ARHGAP15: variants seen among roughly 807,000 people sequenced by gnomAD.
The protein encoded by ARHGAP15 is Rho GTPase activating protein 15.
In ARHGAP15, 51 loss-of-function variants were observed where a neutral mutation model predicts 63.7. That is an observed-to-expected ratio of 0.80 (90% confidence interval 0.64 to 1.01). The LOEUF (loss-of-function observed/expected upper bound fraction) is 1.01. ARHGAP15 is among the 50% of genes least tolerant of loss of function. The pLI, the probability that ARHGAP15 is intolerant of heterozygous loss-of-function variation, is 0.00. For missense variants in ARHGAP15, 560 were observed against 564.6 expected (o/e 0.99, Z 0.08); for synonymous variants, 191 against 193.8 (o/e 0.99, Z 0.12).
chr2:143,202,117 T>A lies in ARHGAP15; in HGVS notation c.166-17T>A. On this transcript the variant is annotated splice_polypyrimidine_tract_variant and intron_variant, in intron 2 of 13. Coordinates refer to ENST00000295095, the MANE Select transcript of ARHGAP15 (RefSeq NM_018460.4). Reference sequence around the variant, plus strand: ...AGAAAAATTATGTAATAATATCCAATGTCAATATATTTGCAGATATCCAGA... The same window carrying A: ...AGAAAAATTATGTAATAATATCCAAAGTCAATATATTTGCAGATATCCAGA... 1 of 1,596,996 alleles carries A rather than the reference T, an allele frequency of 6.3e-7. No homozygotes were observed. The highest frequency in any genetic ancestry group is 8.6e-7 in the Non-Finnish European group (1 of 1,165,280).
Position 143,250,516 on chromosome 2 carries a change from T to G in ARHGAP15, c.390T>G (p.Thr130=). 6.2e-7 allele frequency: 1 copy of G among 1,613,134 alleles called. No individual in the cohort carries two copies. Among genetic ancestry groups the G allele is most frequent in the Non-Finnish European group, 8.5e-7 (1 of 1,179,310 alleles). ...SKQQALSNMK[T]GHKPESVDLC... ...CTTCATTTTTGTGATTACAGAAAAC[T>G]GGGCACAAACCAGAAAGTGTGGATT... Residue 130 remains threonine, a synonymous_variant, in exon 6 of 14, where the codon ACT becomes ACG. Coordinates refer to ENST00000295095, the MANE Select transcript of ARHGAP15 (RefSeq NM_018460.4).
intron 11 of ARHGAP15, chr2:143,608,508 T>C (rs1303229129): frequency 1.3e-5 from 2 of 152,158 alleles, no homozygotes; most frequent in African/African-American, 4.8e-5. Flanking sequence ...AAGCAATAGT[T>C]AGTGTAAGAT....
intron 12 of ARHGAP15, among the ~76,000 whole-genome samples, chr2:143,670,552 C>T (rs759695071): frequency 7.2e-5 from 11 of 152,140 alleles, no homozygotes; most frequent in East Asian, 3.9e-4. Context: ...GTAAGGGACC[C>T]GATAGGTCAC....
chr2:143,514,945 G>A (rs763130354), intron 9 of ARHGAP15, among the ~76,000 whole-genome samples: 3 of 152,086 alleles, frequency 2.0e-5, no homozygotes, highest in East Asian at 1.9e-4. Flanking sequence ...ACATTTGGCC[G>A]AGCCCAATAT....
chr2:143,438,227 G>A (rs1487007247), intron 8 of ARHGAP15, among the ~76,000 whole-genome samples: 2 of 151,010 alleles, frequency 1.3e-5, no homozygotes, highest in Non-Finnish European at 2.9e-5. Flanking sequence ...AAGTTGAGAA[G>A]AGCTGCTAAT....
chr2:143,730,012 T>C (rs529576518), intron 13 of ARHGAP15, among the ~76,000 whole-genome samples: 1 of 152,246 alleles, frequency 6.6e-6, no homozygotes, highest in East Asian at 1.9e-4. Context: ...GGAATTGGAC[T>C]TTAGAAAAAC....
chr2:143,429,067 C>T (rs1689262691), intron 6 of ARHGAP15, among the ~76,000 whole-genome samples: 2 of 152,082 alleles, frequency 1.3e-5, no homozygotes, highest in Non-Finnish European at 2.9e-5. Flanking sequence ...CATATGAGCA[C>T]CACAGGCAAA....
At chr2:143,244,521 A>G (rs190929628) in intron 5 of ARHGAP15, among the ~76,000 whole-genome samples, 1 of 152,360 alleles carries the variant, frequency 6.6e-6, no homozygotes, top group African/African-American at 2.4e-5. Flanking sequence ...GAATGAATGC[A>G]TACTCAAATC....
intron 6 of ARHGAP15, among the ~76,000 whole-genome samples, chr2:143,262,570 G>A (rs867287308): frequency 3.6e-5 from 3 of 83,622 alleles, no homozygotes; most frequent in East Asian, 3.4e-4. Flanking sequence ...ACTTTGTCAC[G>A]CCCTGTTCAC....
intron 6 of ARHGAP15, among the ~76,000 whole-genome samples, chr2:143,321,476 A>G (rs890305510): frequency 5.3e-5 from 8 of 152,226 alleles, no homozygotes; most frequent in Non-Finnish European, 8.8e-5. Flanking sequence ...GAGAGTGCTT[A>G]CTTCTGGTAA....
chr2:143,247,288 T>C (rs1265510869), intron 5 of ARHGAP15: 2 of 152,236 alleles, frequency 1.3e-5, no homozygotes, highest in Admixed American at 1.3e-4. Context: ...TAGCAAGAGG[T>C]TGTGGTTTTC....
intron 8 of ARHGAP15, among the ~76,000 whole-genome samples, chr2:143,483,459 C>T (rs1270228655): frequency 6.6e-6 from 1 of 152,164 alleles, no homozygotes; most frequent in Non-Finnish European, 1.5e-5. Flanking sequence ...GAGGTGAGAC[C>T]AGAAATCGAA....
rs568359278 is a variant in ARHGAP15, at chr2:143,393,231, A to C, written c.475-42370A>C. Among the ~76,000 whole-genome samples, 3 of 152,224 alleles carry C rather than the reference A, an allele frequency of 2.0e-5. No individual in the cohort carries two copies. In the East Asian group the frequency reaches 5.8e-4, roughly 29 times the overall value. On this transcript the variant is annotated intron_variant, in intron 6 of 13. Transcript: ENST00000295095. Reference sequence around the variant, plus strand: ...AGATTATAAGATTTAGATTATTATAAATTTTATAATCCAGGGACTATCATT... The same window carrying C: ...AGATTATAAGATTTAGATTATTATACATTTTATAATCCAGGGACTATCATT...
chr2:143,315,629 A>G (rs918928039), intron 6 of ARHGAP15, among the ~76,000 whole-genome samples: 1 of 152,198 alleles, frequency 6.6e-6, no homozygotes, highest in Non-Finnish European at 1.5e-5. Flanking sequence ...CTAGCCAGAA[A>G]TAACAGTTAC....
chr2:143,499,367 A>C (rs1418165844), intron 9 of ARHGAP15, among the ~76,000 whole-genome samples: 1 of 152,188 alleles, frequency 6.6e-6, no homozygotes, highest in Non-Finnish European at 1.5e-5. Context: ...CGGGAGTTTC[A>C]TTGGTTTTAA....
intron 6 of ARHGAP15, among the ~76,000 whole-genome samples, chr2:143,419,342 TCAG>T (rs1403178423): frequency 1.3e-5 from 2 of 152,176 alleles, no homozygotes; most frequent in Non-Finnish European, 2.9e-5. Context: ...GTAATGCATT[TCAG>T]CAGCCTTTCA....
intron 5 of ARHGAP15, among the ~76,000 whole-genome samples, chr2:143,233,913 G>A (rs1444541591): frequency 6.6e-6 from 1 of 152,026 alleles, no homozygotes; most frequent in African/African-American, 2.4e-5. Flanking sequence ...CCAAAGTGCT[G>A]GGATTACAGG....
intron 1 of ARHGAP15, among the ~76,000 whole-genome samples, chr2:143,149,361 C>T (rs1379087450): frequency 1.3e-5 from 2 of 151,952 alleles, no homozygotes; most frequent in African/African-American, 2.4e-5. Flanking sequence ...GGGTGTATGG[C>T]CATTTCTTGC....
intron 6 of ARHGAP15, among the ~76,000 whole-genome samples, chr2:143,335,935 G>A (rs1478541749): frequency 1.3e-5 from 2 of 152,128 alleles, no homozygotes; most frequent in Non-Finnish European, 2.9e-5. Flanking sequence ...GAAAGCTCCA[G>A]GGGAGAGGAA....
Sources: gnomAD v4.1 joint callset for allele counts (sites outside exome capture counted in the v4.1 genomes callset) on GRCh38, gnomAD v4.1.1 for gene constraint, MANE v1.5 for transcripts, NCBI Gene and HGNC (gene_info 2026-07-23, HGNC 2026-07-21) for gene names.